N4BP2L2: variants seen among roughly 807,000 people sequenced by gnomAD.
N4BP2L2 encodes NEDD4 binding protein 2 like 2.
N4BP2L2 carries 50 observed loss-of-function variants against 56.2 expected under a neutral mutation model. The ratio of observed to expected loss-of-function variants is 0.89; its 90% CI spans 0.71 to 1.13. The LOEUF (loss-of-function observed/expected upper bound fraction) is 1.13, where lower values mean the gene tolerates loss of function less well. Among genes scored for constraint, N4BP2L2 ranks in the 50% most tolerant of loss-of-function variants. N4BP2L2 has a pLI of 0.00. For missense variants in N4BP2L2, 689 were observed against 693.8 expected, an observed-to-expected ratio of 0.99 and a Z score of 0.08; for synonymous variants, 203 against 223.6, an observed-to-expected ratio of 0.91 and a Z score of 0.82.
intron 6 of N4BP2L2, among the ~76,000 whole-genome samples, chr13:32,495,334 T>C (rs908344784): frequency 2.0e-5 from 3 of 152,182 alleles, no homozygotes; most frequent in Admixed American, 6.6e-5. Flanking sequence ...ATCAACAGGT[T>C]AAGGACTGGC....
At chr13:32,486,444 G>C (rs1263912604) in intron 6 of N4BP2L2, among the ~76,000 whole-genome samples, 3 of 152,248 alleles carry the variant, frequency 2.0e-5, no homozygotes, top group Admixed American at 1.3e-4. Flanking sequence ...AGGAGGGTGA[G>C]GCGGGTGGAT....
intron 1 of N4BP2L2, among the ~76,000 whole-genome samples, chr13:32,537,863 G>A (rs2056942639): frequency 6.6e-6 from 1 of 152,132 alleles, no homozygotes; most frequent in Non-Finnish European, 1.5e-5. Context: ...CTGCTTAGGA[G>A]TTCGAGACCA....
intron 7 of N4BP2L2, among the ~76,000 whole-genome samples, chr13:32,441,920 TAAATA>T (rs1240423448): frequency 1.3e-5 from 2 of 148,358 alleles, no homozygotes; most frequent in Non-Finnish European, 1.5e-5. Flanking sequence ...AATAAATAAA[TAAATA>T]AATAGCCGGG....
intron 2 of N4BP2L2, among the ~76,000 whole-genome samples, chr13:32,534,340 C>T (rs1326125748): frequency 1.3e-5 from 2 of 152,064 alleles, no homozygotes; most frequent in African/African-American, 2.4e-5. Context: ...CAACATACTC[C>T]AATATGTTGT....
At chr13:32,520,799 A>T (rs1216365289) in intron 5 of N4BP2L2, among the ~76,000 whole-genome samples, 2 of 152,172 alleles carry the variant, frequency 1.3e-5, no homozygotes, top group Non-Finnish European at 2.9e-5. Flanking sequence ...CAATTACTGA[A>T]ATCTGGTTAA....
chr13:32,500,022 CTTTTTTCCCAAGCATA>C (rs1311141764), intron 6 of N4BP2L2, among the ~76,000 whole-genome samples: 4 of 152,196 alleles, frequency 2.6e-5, no homozygotes, highest in African/African-American at 9.7e-5. Context: ...GCTGACTGAA[CTTTTTTCCCAAGCATA>C]ACCTTTGGTG....
At chr13:32,535,551 T>C (rs2056333253) in intron 2 of N4BP2L2, among the ~76,000 whole-genome samples, 1 of 152,206 alleles carries the variant, frequency 6.6e-6, no homozygotes, top group Non-Finnish European at 1.5e-5. Flanking sequence ...TGATTACAAG[T>C]ATCATTATAG....
chr13:32,441,772 G>A (rs866416612), intron 7 of N4BP2L2, among the ~76,000 whole-genome samples: 23 of 150,022 alleles, frequency 1.5e-4, no homozygotes, highest in African/African-American at 4.8e-4. Context: ...GGCCGGGCGC[G>A]GTGGCTCACG....
At chr13:32,468,268 C>CAAA (rs59875338) in intron 6 of N4BP2L2, among the ~76,000 whole-genome samples, 17 of 103,996 alleles carry the variant, frequency 1.6e-4, no homozygotes, top group African/African-American at 6.2e-4. Flanking sequence ...CAAAAAGAGA[C>CAAA]AAAAAAAAAA....
At chr13:32,447,843 C>A (rs1259250988) in intron 6 of N4BP2L2, among the ~76,000 whole-genome samples, 3 of 151,922 alleles carry the variant, frequency 2.0e-5, no homozygotes, top group Non-Finnish European at 4.4e-5. Flanking sequence ...AGGGAAGGAC[C>A]TGCTAATGCT....
chr13:32,487,865 A>AT (rs67976150), intron 6 of N4BP2L2, among the ~76,000 whole-genome samples: 67 of 148,822 alleles, frequency 4.5e-4, no homozygotes, highest in Middle Eastern at 3.4e-3. Flanking sequence ...AATTTATTTG[A>AT]TTTTTTTTTT....
At position 32,536,679 on chromosome 13, in the gene N4BP2L2, A is replaced by G. The variant is rs1349161162; in HGVS notation, c.349T>C (p.Tyr117His). The stretch of plus-strand genomic sequence containing the variant: ...CCTATAAATGCTTTACTTGTGCTAT[A>G]TATCTCATCGTCTGCGGATACTAAT... Residue 117 changes from tyrosine (Y) to histidine (H), a missense_variant, in exon 2 of 6, where the codon TAT (tyrosine) becomes CAT (histidine). By Grantham distance (83) the Tyr-to-His change is moderately conservative. Transcript: ENST00000267068. 7 of 1,613,996 alleles carry G rather than the reference A, an allele frequency of 4.3e-6. No homozygotes were observed. In the Admixed American group the frequency reaches 5.0e-5, roughly 12 times the overall value.
chr13:32,490,414 C>T (rs748515109), intron 6 of N4BP2L2, among the ~76,000 whole-genome samples: 22 of 152,156 alleles, frequency 1.4e-4, no homozygotes, highest in Non-Finnish European at 1.6e-4. Context: ...AAGCAATTCT[C>T]CTGCCTCAGC....
At chr13:32,500,452 C>T (rs201321422) in intron 6 of N4BP2L2, among the ~76,000 whole-genome samples, 130 of 151,166 alleles carry the variant, frequency 8.6e-4, no homozygotes, top group Non-Finnish European at 1.3e-3. Flanking sequence ...GAATATGTCA[C>T]CAGGTGCAGT....
chr13:32,538,536 A>T, intron 1 of N4BP2L2, 82 bp downstream of exon 1: 1 of 780,838 alleles, frequency 1.3e-6, no homozygotes, highest in South Asian at 5.8e-5. Flanking sequence ...GTTTACAGCT[A>T]ATCTAAACAG....
At chr13:32,466,552 G>GA (rs987628781) in intron 6 of N4BP2L2, among the ~76,000 whole-genome samples, 3 of 151,452 alleles carry the variant, frequency 2.0e-5, no homozygotes, top group East Asian at 1.9e-4. Context: ...AAGAAAAAAA[G>GA]AAAAAAAAGA....
chr13:32,456,044 A>C (rs1436502821), intron 6 of N4BP2L2, among the ~76,000 whole-genome samples: 2 of 152,216 alleles, frequency 1.3e-5, no homozygotes, highest in African/African-American at 4.8e-5. Context: ...TACTCCTGGC[A>C]CCTGAGCAAG....
chr13:32,442,148 T>C (rs1160289000), intron 7 of N4BP2L2, among the ~76,000 whole-genome samples: 2 of 152,172 alleles, frequency 1.3e-5, no homozygotes, highest in Admixed American at 6.5e-5. Flanking sequence ...CTATTGAAAT[T>C]GAGAGCCCAA....
chr13:32,520,352 A>C (rs1315350139), intron 5 of N4BP2L2, among the ~76,000 whole-genome samples: 2 of 142,234 alleles, frequency 1.4e-5, no homozygotes, highest in Admixed American at 1.4e-4. Flanking sequence ...GAAGACGATA[A>C]AAGTTAAAAA....
Sources: gnomAD v4.1 joint callset for allele counts (sites outside exome capture counted in the v4.1 genomes callset) on GRCh38, gnomAD v4.1.1 for gene constraint, MANE v1.5 for transcripts, NCBI Gene and HGNC (gene_info 2026-07-23, HGNC 2026-07-21) for gene names.